PRMT8: variants seen among roughly 807,000 people sequenced by gnomAD.
PRMT8 encodes the protein protein arginine N-methyltransferase 8.
In PRMT8, 7 loss-of-function variants were observed where a neutral mutation model predicts 47.1. That is an observed-to-expected ratio of 0.15 (90% CI 0.08 to 0.28). PRMT8 has a LOEUF of 0.28. Among genes scored for constraint, PRMT8 ranks in the 10% least tolerant of loss-of-function variants. The probability of loss-of-function intolerance (pLI) is 1.00; values close to 1 mark genes in which losing one functional copy is unlikely to be tolerated. For synonymous variants in PRMT8, 188 were observed against 186.5 expected (o/e 1.01, Z -0.07); for missense variants, 237 against 505.4 (o/e 0.47, Z 5.09).
intron 1 of PRMT8, among the ~76,000 whole-genome samples, chr12:3,435,586 G>A (rs1213110956): frequency 6.7e-6 from 1 of 149,006 alleles, no homozygotes; most frequent in Non-Finnish European, 1.5e-5. Context: ...CAGTGGCGCA[G>A]TGTTGGCTCA....
At chr12:3,411,582 GA>G (rs1468514429) in intron 1 of PRMT8, among the ~76,000 whole-genome samples, 1 of 152,226 alleles carries the variant, frequency 6.6e-6, no homozygotes, top group African/African-American at 2.4e-5. Flanking sequence ...GCTGTGGTTT[GA>G]ATGTGTCCCC....
At chr12:3,382,137 AG>A (rs1407309407) in intron 1 of PRMT8, among the ~76,000 whole-genome samples, 2 of 152,226 alleles carry the variant, frequency 1.3e-5, no homozygotes, top group African/African-American at 4.8e-5. Flanking sequence ...CACTCACTGA[AG>A]AGCATAAGGA....
intron 6 of PRMT8, among the ~76,000 whole-genome samples, chr12:3,574,862 G>C (rs543107497): frequency 6.6e-6 from 1 of 152,180 alleles, no homozygotes; most frequent in Non-Finnish European, 1.5e-5. Context: ...TCAAACTCCC[G>C]GCAGAGTCCA....
chr12:3,593,037 G>A lies in PRMT8; in HGVS notation c.1102-62G>A, dbSNP rs1867344880. On this transcript the variant is annotated intron_variant, in intron 9 of 9. Transcript: ENST00000382622. This position sits in a 1 kb window ranked among gnomAD's most constrained non-coding sequence, Gnocchi z 4.8. ...TTCCAGGAGCAGGTGGTGCCAGAGA[G>A]TGGGGCTGTGGCTTCATACCCAGAC... 2.3e-6 allele frequency: 3 copies of A among 1,324,226 alleles called. No individual in the cohort carries two copies. The highest frequency in any genetic ancestry group is 2.9e-5 in the African/African-American group (2 of 69,194). 82.0% of individuals were successfully genotyped at this position (1,324,226 alleles called of 1,614,324 possible). A position where few individuals can be genotyped will look rare whatever the true frequency, so the allele number is the denominator to read the frequency against.
At chr12:3,478,013 T>A (rs1591562321) in intron 1 of PRMT8, among the ~76,000 whole-genome samples, 1 of 152,146 alleles carries the variant, frequency 6.6e-6, no homozygotes, top group African/African-American at 2.4e-5. Context: ...TAAGATGAGG[T>A]GTCAGAATGG....
At chr12:3,416,672 C>T (rs1864486637) in intron 1 of PRMT8, among the ~76,000 whole-genome samples, 1 of 152,198 alleles carries the variant, frequency 6.6e-6, no homozygotes, top group African/African-American at 2.4e-5. Flanking sequence ...GACTGCTTTT[C>T]CTCCCTTGAT....
At chr12:3,542,331 C>T (rs1015756938) in intron 2 of PRMT8, among the ~76,000 whole-genome samples, 5 of 152,198 alleles carry the variant, frequency 3.3e-5, no homozygotes, top group Non-Finnish European at 7.3e-5. Flanking sequence ...GAGCCTGCAG[C>T]TTCTGGGAGA....
chr12:3,549,802 C>T (rs2137175749), intron 2 of PRMT8, 134 bp from the exon 3 acceptor site: 2 of 984,292 alleles, frequency 2.0e-6, no homozygotes. Flanking sequence ...CAGTTTTGTC[C>T]TCTGTGGCTC....
intron 1 of PRMT8, among the ~76,000 whole-genome samples, chr12:3,385,821 G>T (rs552068787): frequency 6.6e-6 from 1 of 152,200 alleles, no homozygotes; most frequent in South Asian, 2.1e-4. Flanking sequence ...GGCAGCTTTG[G>T]TGTAGGCACA....
intron 1 of PRMT8, among the ~76,000 whole-genome samples, chr12:3,421,385 A>T (rs79975357): frequency 0.016 from 2,368 of 152,264 alleles, 37 homozygotes; most frequent in Non-Finnish European, 0.018. Flanking sequence ...GCAGAAGCAG[A>T]TTCCCTTGCT....
chr12:3,396,638 C>T (rs1336259705), intron 1 of PRMT8, among the ~76,000 whole-genome samples: 1 of 151,934 alleles, frequency 6.6e-6, no homozygotes. Flanking sequence ...CTCTGGCTGC[C>T]CTTAACATTT....
intron 1 of PRMT8, among the ~76,000 whole-genome samples, chr12:3,446,381 C>T (rs4766121): frequency 0.51 from 76,785 of 151,800 alleles, 22,662 homozygotes; most frequent in Non-Finnish European, 0.66. Flanking sequence ...TACTGTGAGC[C>T]GGCTCTCTCT....
At position 3,540,807 on chromosome 12, in the gene PRMT8, TG is replaced by T. The variant is rs1866214920; in HGVS notation, c.261+19del. The T allele has an allele frequency of 3.1e-6, 5 of 1,610,776 alleles. No individual in the cohort carries two copies. The East Asian group carries it at 1.1e-4, about 36-fold the overall frequency. ...GATCCACGAGGTAAAGTGTCCCGAGTGGGTGGCTAATGGGGCGAGGCTGACT... is the reference window on the plus strand; with the variant it reads ...GATCCACGAGGTAAAGTGTCCCGAGTGGTGGCTAATGGGGCGAGGCTGACT... On this transcript the variant is annotated intron_variant, in intron 2 of 9. Transcript: ENST00000382622.
Position 3,436,203 on chromosome 12 carries a change from G to A in PRMT8, c.48+54761G>A, listed in dbSNP as rs1424582362. ...GTTTGTGACCTTGTGAGGATGGTTA[G>A]GATCCAATCACACACTAAGTTCGTG... On this transcript the variant is annotated intron_variant, in intron 1 of 9. Coordinates refer to the PRMT8 transcript ENST00000452611. This position sits in a 1 kb window ranked among gnomAD's most constrained non-coding sequence, Gnocchi z 4.2. 6.6e-6 allele frequency among the ~76,000 whole-genome samples: 1 copy of A among 152,174 alleles called. No individual in the cohort carries two copies. The highest frequency in any genetic ancestry group is 2.4e-5 in the African/African-American group (1 of 41,444).
At chr12:3,575,479 A>T (rs917986030) in intron 6 of PRMT8, among the ~76,000 whole-genome samples, 1 of 152,216 alleles carries the variant, frequency 6.6e-6, no homozygotes, top group African/African-American at 2.4e-5. Context: ...GTAGGGAGAG[A>T]AATCTTGCAT....
In PRMT8 at chr12:3,514,798, G is replaced by A. The variant is rs1865764051; in HGVS notation, c.75+23098G>A. ...TGTCGACCTGCTCTTTCCCCGACCT[G>A]AAACTTTCGTGTAGCAGACCCCATA... On this transcript the variant is annotated intron_variant, in intron 1 of 9. Transcript: ENST00000382622. The surrounding 1 kb of genome is among the most constrained non-coding windows in gnomAD (Gnocchi z 5.9). Among the ~76,000 whole-genome samples, 1 of 152,128 alleles carries A rather than the reference G, an allele frequency of 6.6e-6. No homozygotes were observed. The highest frequency in any genetic ancestry group is 2.1e-4 in the South Asian group (1 of 4,816).
intron 1 of PRMT8, among the ~76,000 whole-genome samples, chr12:3,471,815 G>A (rs529314239): frequency 8.0e-4 from 122 of 151,912 alleles, no homozygotes; most frequent in Non-Finnish European, 1.3e-3. Flanking sequence ...GCAGGCGCCC[G>A]TCCCTGGTGG....
At chr12:3,505,962 G>A (rs1431436816) in intron 1 of PRMT8, among the ~76,000 whole-genome samples, 3 of 152,224 alleles carry the variant, frequency 2.0e-5, no homozygotes, top group Non-Finnish European at 4.4e-5. Flanking sequence ...AAACTTGGGC[G>A]CTGATCAGCA....
chr12:3,499,370 C>T (rs1179816267), intron 1 of PRMT8, among the ~76,000 whole-genome samples: 1 of 89,034 alleles, frequency 1.1e-5, no homozygotes, highest in Non-Finnish European at 2.1e-5. Flanking sequence ...ACCACAGTCC[C>T]CAGAGTGTGA....
Sources: gnomAD v4.1 joint callset for allele counts (sites outside exome capture counted in the v4.1 genomes callset) on GRCh38, gnomAD v4.1.1 for gene constraint, Gnocchi (gnomAD v3.1) non-coding constraint, MANE v1.5 for transcripts, NCBI Gene and HGNC (gene_info 2026-07-23, HGNC 2026-07-21) for gene names.